RBM28: variants seen among roughly 807,000 people sequenced by gnomAD.
RBM28 encodes RNA-binding protein 28.
In RBM28, 78 loss-of-function variants were observed where a neutral mutation model predicts 98.3. The observed-to-expected ratio is 0.79, with a 90% CI of 0.66 to 0.96. RBM28 has a LOEUF of 0.96. RBM28 is among the 40% of genes least tolerant of loss of function. RBM28 has a pLI of 0.00. For synonymous variants in RBM28, 306 were observed against 330.9 expected, an observed-to-expected ratio of 0.92 and a Z score of 0.82; for missense variants, 838 against 913.0, an observed-to-expected ratio of 0.92 and a Z score of 1.06.
intron 1 of RBM28, among the ~76,000 whole-genome samples, chr7:128,341,844 A>G (rs867906880): frequency 8.5e-5 from 13 of 152,328 alleles, no homozygotes; most frequent in South Asian, 4.1e-4. Flanking sequence ...ATCCTTTACC[A>G]TATATGGACG....
At position 128,313,180 on chromosome 7, in the gene RBM28, C is replaced by T. The variant is rs1217226897; in HGVS notation, c.2140G>A (p.Glu714Lys). ...GTATGTCCTGCAGAACTCACCTGCT[C>T]GGACGATAATTGCTGCTTCTCCTGC... ...WKQEKQQLSS[E>K]QVSRKKAKGN... is the part of the protein sequence containing the mutation. The change falls in exon 18 of 19, where the codon GAG (glutamate) becomes AAG (lysine). Residue 714 changes from glutamate (E) to lysine (K), a missense_variant. Glu to Lys is a moderately conservative substitution (Grantham distance 56, BLOSUM62 1). Transcript: ENST00000223073. The T allele has an allele frequency of 1.2e-6, 2 of 1,613,604 alleles. No homozygotes were observed. Among genetic ancestry groups the T allele is most frequent in the Middle Eastern group, 1.6e-4 (1 of 6,062 alleles).
Position 128,304,588 on chromosome 7 carries a change from C to A in RBM28, c.*6209G>T. 1 of 152,452 alleles carries A rather than the reference C, an allele frequency of 6.6e-6. No homozygotes were observed. Among genetic ancestry groups the A allele is most frequent in the Non-Finnish European group, 1.5e-5 (1 of 68,184 alleles). The allele number at this position is 152,452 out of a possible 1,614,324, so 9.4% of individuals were successfully genotyped here. A position where few individuals can be genotyped will look rare whatever the true frequency, so the allele number is the denominator to read the frequency against. On this transcript the variant is annotated 3_prime_UTR_variant, in exon 19 of 19. Transcript: ENST00000223073. ...CCACTTGCCAACCCAGGGAGGTTTT[C>A]CATCTTGCTGGTTTGGTGAGGGAGG...
At chr7:128,319,890 T>C (rs1796185021) in intron 14 of RBM28, among the ~76,000 whole-genome samples, 2 of 152,170 alleles carry the variant, frequency 1.3e-5, no homozygotes, top group Admixed American at 6.5e-5. Flanking sequence ...CTGGGCAACA[T>C]GACAAAACCC....
At chr7:128,317,388 G>A (rs141515599) in intron 16 of RBM28, among the ~76,000 whole-genome samples, 329 of 152,236 alleles carry the variant, frequency 2.2e-3, no homozygotes, top group African/African-American at 7.6e-3. Flanking sequence ...ATTTTGGCAC[G>A]TACTATCACC....
intron 18 of RBM28, among the ~76,000 whole-genome samples, chr7:128,311,181 G>A (rs1795976693): frequency 6.6e-6 from 1 of 152,078 alleles, no homozygotes; most frequent in African/African-American, 2.4e-5. Flanking sequence ...GGGACTCAGG[G>A]GCCTCTCTTA....
At chr7:128,324,422 G>T in intron 12 of RBM28, 137 bp downstream of exon 12, 1 of 1,245,734 alleles carries the variant, frequency 8.0e-7, no homozygotes, top group Non-Finnish European at 1.2e-6. Context: ...TATTAAAGTG[G>T]AATGATCATA....
At chr7:128,336,176 T>A in intron 6 of RBM28, 134 bp from the exon 7 acceptor site, 1 of 812,348 alleles carries the variant, frequency 1.2e-6, no homozygotes, top group Non-Finnish European at 1.9e-6. Flanking sequence ...TTACTGCATA[T>A]AACAGGAGAA....
intron 1 of RBM28, among the ~76,000 whole-genome samples, chr7:128,343,050 T>C (rs1796762694): frequency 6.6e-6 from 1 of 152,242 alleles, no homozygotes; most frequent in Admixed American, 6.5e-5. Context: ...GGCTCGTTTA[T>C]TGGCTCTCTT....
In RBM28 at chr7:128,299,945, GC is replaced by G. The variant is rs537100633; in HGVS notation, c.*10851del. 9 of 152,226 alleles carry G rather than the reference GC, an allele frequency of 5.9e-5. No homozygotes were observed. The South Asian group carries it at 1.4e-3, about 24-fold the overall frequency. 9.4% of individuals were successfully genotyped at this position (152,226 alleles called of 1,614,324 possible). ...AGAGACTGCAGTGATGCATCTATAT[GC>G]CAGGCAACGCCAAGAAATTCCTCAT... On this transcript the variant is annotated 3_prime_UTR_variant, in exon 19 of 19. Transcript: ENST00000223073.
intron 6 of RBM28, among the ~76,000 whole-genome samples, chr7:128,336,623 T>C (rs1183753131): frequency 6.6e-6 from 1 of 152,230 alleles, no homozygotes; most frequent in Non-Finnish European, 1.5e-5. Flanking sequence ...GAGCACCAAA[T>C]GGTACAATAT....
chr7:128,323,406 G>T, intron 13 of RBM28, 121 bp downstream of exon 13: 1 of 1,132,344 alleles, frequency 8.8e-7, no homozygotes, highest in Non-Finnish European at 1.3e-6. Context: ...CCCTAACAGG[G>T]CAATAAGTAT....
intron 17 of RBM28, among the ~76,000 whole-genome samples, chr7:128,313,963 C>T (rs1284256769): frequency 6.6e-6 from 1 of 151,546 alleles, no homozygotes; most frequent in Admixed American, 6.6e-5. Context: ...AGCCTCTTTT[C>T]TTTTCTTTTT....
rs945508140 is a variant in RBM28 at position 128,305,974 on chromosome 7, T to A, written c.*4823A>T. On this transcript the variant is annotated 3_prime_UTR_variant, in exon 19 of 19. Coordinates refer to ENST00000223073, the MANE Select transcript of RBM28 (RefSeq NM_018077.3). ...CTGTCTGGTACATCCTTTACCACCA[T>A]TATCCTCAATCACCAATCACTAAGC... The A allele has an allele frequency of 6.6e-5, 10 of 152,256 alleles. No homozygotes were observed. Among genetic ancestry groups the A allele is most frequent in the African/African-American group, 1.9e-4 (8 of 41,458 alleles). The allele number at this position is 152,256 out of a possible 1,614,324, so 9.4% of individuals were successfully genotyped here. A position where few individuals can be genotyped will look rare whatever the true frequency, so the allele number is the denominator to read the frequency against.
At chr7:128,339,857 G>C in intron 1 of RBM28, 66 bp from the exon 2 acceptor site, 1 of 1,532,938 alleles carries the variant, frequency 6.5e-7, no homozygotes, top group Non-Finnish European at 9.0e-7. Context: ...CATAAGCCAA[G>C]AGCACTAAAT....
chr7:128,321,121 G>A lies in RBM28; in HGVS notation c.1563+145C>T, dbSNP rs145530274. 7.7e-4 allele frequency: 854 copies of A among 1,110,862 alleles called. 6 individuals are homozygous for A. The African/African-American group carries it at 0.011, about 15-fold the overall frequency. The allele number at this position is 1,110,862 out of a possible 1,614,324, so 68.8% of individuals were successfully genotyped here. On this transcript the variant is annotated intron_variant, in intron 14 of 18. Coordinates refer to ENST00000223073, the MANE Select transcript of RBM28 (RefSeq NM_018077.3). ...GAGGAGGTTGCAGTGAGTCAAGATT[G>A]CACCGCTGCACTACAGCCTGGGCAA...
chr7:128,334,478 A>G (rs1442551209), intron 8 of RBM28, among the ~76,000 whole-genome samples: 1 of 152,204 alleles, frequency 6.6e-6, no homozygotes, highest in African/African-American at 2.4e-5. Flanking sequence ...TCACAGAAAA[A>G]GCTTATTTCC....
rs1199444705 is a variant in RBM28 at position 128,299,792 on chromosome 7, T to C, written c.*11005A>G. 3 of 152,134 alleles carry C rather than the reference T, an allele frequency of 2.0e-5. No homozygotes were observed. The highest frequency in any genetic ancestry group is 4.4e-5 in the Non-Finnish European group (3 of 68,016). The allele number at this position is 152,134 out of a possible 1,614,324, so 9.4% of individuals were successfully genotyped here. A position where few individuals can be genotyped will look rare whatever the true frequency, so the allele number is the denominator to read the frequency against. On this transcript the variant is annotated 3_prime_UTR_variant, in exon 19 of 19. Coordinates refer to ENST00000223073, the MANE Select transcript of RBM28 (RefSeq NM_018077.3). ...GGACACATTCAAACCATAGCAGAGA[T>C]GTAATCAAATTAAGATGAAATCATT...
At chr7:128,336,762 CT>C (rs774583330) in intron 6 of RBM28, among the ~76,000 whole-genome samples, 1 of 151,732 alleles carries the variant, frequency 6.6e-6, no homozygotes, top group African/African-American at 2.4e-5. Flanking sequence ...TTCTCTTACA[CT>C]TTTTTTTTGA....
intron 1 of RBM28, among the ~76,000 whole-genome samples, chr7:128,343,377 G>A (rs1796770353): frequency 6.6e-6 from 1 of 152,150 alleles, no homozygotes; most frequent in East Asian, 1.9e-4. Context: ...GTATCAAACT[G>A]ATCACTGTAC....
Sources: allele counts gnomAD v4.1 joint callset (sites outside exome capture counted in the v4.1 genomes callset), GRCh38; gene constraint gnomAD v4.1.1; transcripts MANE v1.5; gene names NCBI Gene and HGNC (gene_info 2026-07-23, HGNC 2026-07-21).